MAML2: variants seen among roughly 807,000 people sequenced by gnomAD.
MAML2 encodes the protein mastermind-like protein 2.
A neutral mutation model predicts 96.1 loss-of-function variants in MAML2; 22 were observed. The ratio of observed to expected loss-of-function variants is 0.23; its 90% CI spans 0.16 to 0.33. The LOEUF is 0.33. Ranked by LOEUF, MAML2 falls within the 10% of genes least tolerant of loss-of-function variation. MAML2 has a pLI of 1.00. For synonymous variants in MAML2, 561 were observed against 521.3 expected (o/e 1.08, Z -1.04); for missense variants, 1,367 against 1,392.4 (o/e 0.98, Z 0.29).
intron 1 of MAML2, among the ~76,000 whole-genome samples, chr11:96,178,585 T>C (rs1337616374): frequency 2.0e-5 from 3 of 152,070 alleles, no homozygotes; most frequent in Admixed American, 6.6e-5. Flanking sequence ...AAAAGGGAGC[T>C]GTACAACCAA....
chr11:96,064,580 T>C (rs1304830949), intron 2 of MAML2, among the ~76,000 whole-genome samples: 1 of 152,250 alleles, frequency 6.6e-6, no homozygotes, highest in Non-Finnish European at 1.5e-5. Context: ...TTTGGGGATC[T>C]TTCCACCTCA....
At chr11:96,316,070 C>T (rs185120424) in intron 1 of MAML2, among the ~76,000 whole-genome samples, 6 of 152,194 alleles carry the variant, frequency 3.9e-5, no homozygotes, top group Admixed American at 3.9e-4. Context: ...GAGTTTCAAT[C>T]TGGGTAAGTG....
At chr11:96,230,286 AC>A (rs1253800728) in intron 1 of MAML2, among the ~76,000 whole-genome samples, 6 of 152,180 alleles carry the variant, frequency 3.9e-5, no homozygotes, top group Admixed American at 3.3e-4. Flanking sequence ...ATTCATTAAT[AC>A]CTCTTTCAAA....
intron 1 of MAML2, among the ~76,000 whole-genome samples, chr11:96,304,081 A>G (rs1035692523): frequency 1.3e-4 from 20 of 152,214 alleles, no homozygotes; most frequent in African/African-American, 4.8e-4. Flanking sequence ...TGATCATCAC[A>G]GAATCTGCTC....
intron 1 of MAML2, among the ~76,000 whole-genome samples, chr11:96,279,757 G>T (rs1863040087): frequency 1.3e-5 from 2 of 152,166 alleles, no homozygotes; most frequent in African/African-American, 2.4e-5. Context: ...TGACTGTGGA[G>T]CTTTAAAGCC....
intron 1 of MAML2, among the ~76,000 whole-genome samples, chr11:96,106,980 C>CTTTTTTTTTTTTTTTTTTTT (rs71040129): frequency 5.5e-5 from 5 of 90,298 alleles, no homozygotes; most frequent in East Asian, 3.9e-4. Context: ...GAAAAGAGTC[C>CTTTTTTTTTTTTTTTTTTTT]TTTTTTTTTT....
chr11:96,305,598 A>G (rs923398415), intron 1 of MAML2, among the ~76,000 whole-genome samples: 2 of 152,240 alleles, frequency 1.3e-5, no homozygotes, highest in Non-Finnish European at 2.9e-5. Flanking sequence ...ACTATATGAA[A>G]AAACTTTGGC....
At chr11:96,313,215 T>C (rs752417018) in intron 1 of MAML2, among the ~76,000 whole-genome samples, 2 of 152,192 alleles carry the variant, frequency 1.3e-5, no homozygotes, top group Admixed American at 1.3e-4. Flanking sequence ...GCTCACAACC[T>C]GATCTATCTA....
At chr11:96,083,646 CT>C (rs1859561636) in intron 2 of MAML2, among the ~76,000 whole-genome samples, 1 of 152,114 alleles carries the variant, frequency 6.6e-6, no homozygotes. Context: ...AGGGGATGGG[CT>C]CTTAAAGCCC....
chr11:96,086,372 A>T (rs139860305), intron 2 of MAML2, among the ~76,000 whole-genome samples: 1 of 152,328 alleles, frequency 6.6e-6, no homozygotes, highest in Non-Finnish European at 1.5e-5. Flanking sequence ...AGAGAAAGAG[A>T]ATGAATGAAT....
intron 2 of MAML2, among the ~76,000 whole-genome samples, chr11:96,034,638 C>T (rs1303996526): frequency 1.3e-5 from 2 of 152,032 alleles, no homozygotes; most frequent in African/African-American, 4.8e-5. Context: ...AAATTCTGCC[C>T]AGAATACCAA....
At chr11:96,144,515 C>T (rs1347783452) in intron 1 of MAML2, among the ~76,000 whole-genome samples, 2 of 151,982 alleles carry the variant, frequency 1.3e-5, no homozygotes, top group African/African-American at 2.4e-5. Context: ...GCCCTCAATC[C>T]CTATATAATT....
At chr11:96,245,776 C>T (rs1862503064) in intron 1 of MAML2, among the ~76,000 whole-genome samples, 1 of 150,874 alleles carries the variant, frequency 6.6e-6, no homozygotes, top group Non-Finnish European at 1.5e-5. Flanking sequence ...GCGATCTCGG[C>T]TCACTGCAAC....
intron 1 of MAML2, among the ~76,000 whole-genome samples, chr11:96,179,990 T>C (rs1861457805): frequency 6.6e-6 from 1 of 152,226 alleles, no homozygotes; most frequent in African/African-American, 2.4e-5. Flanking sequence ...GCAGGTACTA[T>C]AACCATAGTG....
chr11:96,113,555 A>G (rs554622192), intron 1 of MAML2, among the ~76,000 whole-genome samples: 2 of 148,864 alleles, frequency 1.3e-5, no homozygotes, highest in Non-Finnish European at 3.0e-5. Context: ...ATCCAAGCAC[A>G]CTGAACAGCT....
intron 1 of MAML2, among the ~76,000 whole-genome samples, chr11:96,339,252 G>C (rs1379389646): frequency 6.6e-6 from 1 of 152,174 alleles, no homozygotes; most frequent in African/African-American, 2.4e-5. Flanking sequence ...TAGCACAGCA[G>C]CCAGCTATGG....
chr11:96,042,750 T>TTTC, intron 2 of MAML2, among the ~76,000 whole-genome samples: 1 of 147,954 alleles, frequency 6.8e-6, no homozygotes, highest in African/African-American at 2.5e-5. Flanking sequence ...CGTTCTTTTT[T>TTTC]TTTTTTTTTT....
intron 1 of MAML2, among the ~76,000 whole-genome samples, chr11:96,210,153 T>A (rs1436679136): frequency 3.3e-5 from 5 of 152,192 alleles, no homozygotes; most frequent in Non-Finnish European, 7.4e-5. Context: ...TCGCCCAGTT[T>A]GGAGTGAGTG....
At chr11:95,994,672 T>C (rs1485459638) in intron 2 of MAML2, among the ~76,000 whole-genome samples, 1 of 152,214 alleles carries the variant, frequency 6.6e-6, no homozygotes, top group African/African-American at 2.4e-5. Context: ...TAGTTTGCTT[T>C]CTACTCTCCA....
Sources: gnomAD v4.1 joint callset for allele counts (sites outside exome capture counted in the v4.1 genomes callset) on GRCh38, gnomAD v4.1.1 for gene constraint, MANE v1.5 for transcripts, NCBI Gene and HGNC (gene_info 2026-07-23, HGNC 2026-07-21) for gene names.